Variants in CRB1 observed in about 807,000 individuals in gnomAD.
CRB1 encodes crumbs cell polarity complex component 1, also known as protein crumbs homolog 1.
CRB1 carries 83 observed loss-of-function variants against 120.0 expected under a neutral mutation model. The ratio of observed to expected loss-of-function variants is 0.69; its 90% CI spans 0.58 to 0.83. The LOEUF (loss-of-function observed/expected upper bound fraction) is 0.83, where lower values mean the gene tolerates loss of function less well. Ranked by LOEUF, CRB1 falls within the 40% of genes least tolerant of loss-of-function variation. The pLI is 0.00. For missense variants in CRB1, 1,699 were observed against 1,687.6 expected, an observed-to-expected ratio of 1.01 and a Z score of -0.12; for synonymous variants, 625 against 612.5, an observed-to-expected ratio of 1.02 and a Z score of -0.30.
chr1:197,202,712 G>T, the CRB1 span, among the ~76,000 whole-genome samples: 1 of 152,134 alleles, frequency 6.6e-6, no homozygotes, highest in Non-Finnish European at 1.5e-5. Flanking sequence ...ACAATAAAGA[G>T]AACCAATAGA....
intron 8 of CRB1, among the ~76,000 whole-genome samples, chr1:197,430,812 T>A (rs1421950487): frequency 6.6e-6 from 1 of 152,164 alleles, no homozygotes; most frequent in African/African-American, 2.4e-5. Context: ...CTCATAAATA[T>A]TTGTAAAATA....
intron 1 of CRB1, among the ~76,000 whole-genome samples, chr1:197,299,934 A>G (rs565275754): frequency 1.3e-5 from 2 of 151,872 alleles, no homozygotes; most frequent in South Asian, 4.2e-4. Flanking sequence ...CAATATCTCA[A>G]ACTTTTTCAG....
At chr1:197,348,388 G>A (rs1659896679) in intron 4 of CRB1, among the ~76,000 whole-genome samples, 1 of 152,166 alleles carries the variant, frequency 6.6e-6, no homozygotes, top group South Asian at 2.1e-4. Flanking sequence ...ACTATGGTGT[G>A]TGCTTGGTTC....
chr1:197,425,569 A>G (rs1242348039), intron 6 of CRB1, among the ~76,000 whole-genome samples: 1 of 152,184 alleles, frequency 6.6e-6, no homozygotes, highest in Non-Finnish European at 1.5e-5. Flanking sequence ...GATCTTGTCA[A>G]GTTATCAATG....
intron 5 of CRB1, among the ~76,000 whole-genome samples, chr1:197,364,792 G>T (rs533343382): frequency 2.2e-4 from 34 of 152,132 alleles, no homozygotes; most frequent in Middle Eastern, 3.4e-3. Context: ...CATCTCAGGA[G>T]AATTTGTAAT....
At chr1:197,304,299 T>A (rs1376711190) in intron 1 of CRB1, 1 of 524,948 alleles carries the variant, frequency 1.9e-6, no homozygotes, top group African/African-American at 2.1e-5. Context: ...AGATATTTGA[T>A]TTTCTAATGG....
intron 5 of CRB1, among the ~76,000 whole-genome samples, chr1:197,366,022 G>A (rs939660836): frequency 4.6e-5 from 7 of 152,018 alleles, no homozygotes; most frequent in Non-Finnish European, 8.8e-5. Context: ...AAAAACACTT[G>A]TGTTATAGTA....
intron 11 of CRB1, among the ~76,000 whole-genome samples, chr1:197,445,007 G>C (rs1332283195): frequency 6.6e-6 from 1 of 151,984 alleles, no homozygotes; most frequent in East Asian, 1.9e-4. Flanking sequence ...AGTAAACACT[G>C]TGGTATCCAA....
intron 5 of CRB1, among the ~76,000 whole-genome samples, chr1:197,376,242 C>A (rs761234299): frequency 4.6e-4 from 70 of 152,078 alleles, no homozygotes; most frequent in Non-Finnish European, 8.5e-4. Flanking sequence ...TAGATGTTTA[C>A]AACATCTAAA....
rs189335225 is a variant in CRB1, at chr1:197,327,246, A to C, written c.71-1176A>C. On this transcript the variant is annotated intron_variant, in intron 1 of 11. Transcript: ENST00000367400. ...CCTATGATTGCTAAATAGAAAAGTC[A>C]ATGAAAAGATTGATAATAAAAACCA... 5.7e-3 allele frequency among the ~76,000 whole-genome samples: 873 copies of C among 152,302 alleles called. 8 individuals are homozygous for C. Among genetic ancestry groups the C allele is most frequent in the Middle Eastern group, 0.017 (5 of 294 alleles).
chr1:197,448,740 T>A (rs1665820384), intron 11 of CRB1, among the ~76,000 whole-genome samples: 1 of 152,148 alleles, frequency 6.6e-6, no homozygotes, highest in Admixed American at 6.5e-5. Context: ...TACTATTTTA[T>A]TCCTGCACTT....
chr1:197,380,762 CT>C (rs1403816144), intron 5 of CRB1, among the ~76,000 whole-genome samples: 2 of 152,106 alleles, frequency 1.3e-5, no homozygotes, highest in African/African-American at 4.8e-5. Context: ...CATCTGAAGC[CT>C]TTTTTGCCTT....
At chr1:197,203,451 G>A in the CRB1 span, among the ~76,000 whole-genome samples, 3 of 151,944 alleles carry the variant, frequency 2.0e-5, no homozygotes, top group South Asian at 6.2e-4. Context: ...TCAGCCTCCC[G>A]AGTAGTGTGA....
chr1:197,220,892 A>C, the CRB1 span, among the ~76,000 whole-genome samples: 1 of 151,978 alleles, frequency 6.6e-6, no homozygotes, highest in African/African-American at 2.4e-5. Flanking sequence ...GAGGCTTCCC[A>C]CTCATGCTTC....
intron 5 of CRB1, among the ~76,000 whole-genome samples, chr1:197,405,648 C>T (rs1353801278): frequency 2.0e-5 from 3 of 151,638 alleles, no homozygotes; most frequent in Non-Finnish European, 4.4e-5. Flanking sequence ...CTCTGCCCGG[C>T]CGCCCATCGT....
At position 197,427,862 on chromosome 1, in the gene CRB1, G is replaced by T; in HGVS notation, c.2537G>T (p.Gly846Val). 1.2e-6 allele frequency: 2 copies of T among 1,613,964 alleles called. No individual in the cohort carries two copies. The highest frequency in any genetic ancestry group is 1.7e-6 in the Non-Finnish European group (2 of 1,179,958). Residue 846 changes from glycine to valine, a missense_variant, in exon 7 of 12, where the codon GGA becomes GTA. Coordinates refer to ENST00000367400, the MANE Select transcript of CRB1 (RefSeq NM_201253.3). ...PDKQETELNG[G>V]FFKGCIQDVR... is the part of the protein sequence containing the mutation. ...AAGCAAGAGACTGAACTTAATGGTG[G>T]ATTCTTCAAAGGCTGTATCCAAGAT... is the stretch of plus-strand genomic sequence containing the variant.
chr1:197,208,237 C>T, the CRB1 span, among the ~76,000 whole-genome samples: 1 of 152,200 alleles, frequency 6.6e-6, no homozygotes, highest in African/African-American at 2.4e-5. Flanking sequence ...GAGTTTTCTT[C>T]TTGGTTTGGA....
At chr1:197,379,766 A>C (rs533916220) in intron 5 of CRB1, among the ~76,000 whole-genome samples, 1 of 152,310 alleles carries the variant, frequency 6.6e-6, no homozygotes, top group South Asian at 2.1e-4. Flanking sequence ...GTTTCATAAG[A>C]TGGAAGATTT....
At chr1:197,476,362 T>TGTG (rs1667195396) in intron 11 of CRB1, among the ~76,000 whole-genome samples, 2 of 140,496 alleles carry the variant, frequency 1.4e-5, no homozygotes, top group African/African-American at 5.1e-5. Context: ...TTATGATTAT[T>TGTG]TGTGTGTGTG....
Sources: gnomAD v4.1 joint callset for allele counts (sites outside exome capture counted in the v4.1 genomes callset) on GRCh38, gnomAD v4.1.1 for gene constraint, MANE v1.5 for transcripts, NCBI Gene and HGNC (gene_info 2026-07-23, HGNC 2026-07-21) for gene names.